The following ADGRA3 variants were observed in gnomAD, a reference collection of about 807,000 sequenced individuals.
The protein encoded by ADGRA3 is G-protein coupled receptor 125.
Under a neutral mutation model 119.8 loss-of-function variants are expected in ADGRA3, and 56 were observed. That is an observed-to-expected ratio of 0.47 (90% CI 0.38 to 0.58). The LOEUF (loss-of-function observed/expected upper bound fraction) is 0.58, where lower values mean the gene tolerates loss of function less well. ADGRA3 is among the 20% of genes least tolerant of loss of function. The pLI is 0.00. For missense variants in ADGRA3, 1,516 were observed against 1,649.0 expected, an observed-to-expected ratio of 0.92 and a Z score of 1.40; for synonymous variants, 607 against 623.8, an observed-to-expected ratio of 0.97 and a Z score of 0.40.
At chr4:22,440,259 T>C (rs1560318061) in intron 7 of ADGRA3, among the ~76,000 whole-genome samples, 1 of 152,154 alleles carries the variant, frequency 6.6e-6, no homozygotes, top group Non-Finnish European at 1.5e-5. Context: ...AGCAATACTT[T>C]TAATATCTAA....
At chr4:22,446,197 TA>T (rs1164170955) in intron 5 of ADGRA3, among the ~76,000 whole-genome samples, 1 of 152,118 alleles carries the variant, frequency 6.6e-6, no homozygotes, top group African/African-American at 2.4e-5. Flanking sequence ...TCTGATGTAA[TA>T]CAGCACAGAA....
chr4:22,425,565 C>G (rs1228487684), intron 10 of ADGRA3, among the ~76,000 whole-genome samples: 1 of 152,112 alleles, frequency 6.6e-6, no homozygotes, highest in Non-Finnish European at 1.5e-5. Flanking sequence ...CAAAAACATT[C>G]CAGAGGTAGG....
At chr4:22,462,685 C>T (rs1339321785) in intron 2 of ADGRA3, among the ~76,000 whole-genome samples, 2 of 152,162 alleles carry the variant, frequency 1.3e-5, no homozygotes. Context: ...TAGCTCAAAG[C>T]AAAGATGCAC....
intron 16 of ADGRA3, among the ~76,000 whole-genome samples, chr4:22,398,699 A>T (rs1714477159): frequency 6.6e-6 from 1 of 152,104 alleles, no homozygotes; most frequent in African/African-American, 2.4e-5. Context: ...TTTTCACTTA[A>T]AACTAATTTG....
intron 11 of ADGRA3, 92 bp from the exon 12 acceptor site, chr4:22,421,181 T>C (rs1258118497): frequency 2.0e-6 from 2 of 976,972 alleles, no homozygotes; most frequent in East Asian, 4.9e-5. Flanking sequence ...ACACTATGCA[T>C]TAGCCAAACC....
Position 22,442,886 on chromosome 4 carries a change from T to G in ADGRA3, c.707-23A>C, listed in dbSNP as rs763088769. On this transcript the variant is annotated intron_variant, in intron 6 of 18. Transcript: ENST00000334304. Reference sequence around the variant, plus strand: ...GGTCTAGAGACAATCAAACAAAGATTCAGTAAACAAATATAATTTCCAAAC... The same window carrying G: ...GGTCTAGAGACAATCAAACAAAGATGCAGTAAACAAATATAATTTCCAAAC... The G allele has an allele frequency of 1.7e-5, 26 of 1,528,590 alleles. No homozygotes were observed. In the Admixed American group the frequency reaches 3.8e-4, roughly 22 times the overall value. The allele number at this position is 1,528,590 out of a possible 1,614,324, so 94.7% of individuals were successfully genotyped here. A position where few individuals can be genotyped will look rare whatever the true frequency, so the allele number is the denominator to read the frequency against.
At chr4:22,511,825 C>A (rs1186126674) in intron 1 of ADGRA3, among the ~76,000 whole-genome samples, 1 of 151,986 alleles carries the variant, frequency 6.6e-6, no homozygotes, top group African/African-American at 2.4e-5. Context: ...TGGGGTCCCC[C>A]ACTTCCAACC....
In ADGRA3 at chr4:22,444,766, T is replaced by C. The variant is rs143040304; in HGVS notation, c.706+207A>G. ...AAGCTGATGTGAACCTAAAAACAGC[T>C]ACCTTAAAGACAACTGAAAAAAAAA... On this transcript the variant is annotated intron_variant, in intron 6 of 18. Coordinates refer to ENST00000334304, the MANE Select transcript of ADGRA3 (RefSeq NM_145290.4). Among the ~76,000 whole-genome samples, 290 of 151,812 alleles carry C rather than the reference T, an allele frequency of 1.9e-3. 1 individual carries two copies. The highest frequency in any genetic ancestry group is 6.7e-3 in the African/African-American group (276 of 41,266).
chr4:22,408,387 A>T (rs1277422004), intron 14 of ADGRA3, among the ~76,000 whole-genome samples: 1 of 152,126 alleles, frequency 6.6e-6, no homozygotes, highest in Non-Finnish European at 1.5e-5. Flanking sequence ...TGTATGCAAC[A>T]CATAAATCCA....
intron 3 of ADGRA3, among the ~76,000 whole-genome samples, chr4:22,457,078 T>C (rs143025884): frequency 2.0e-5 from 3 of 152,330 alleles, no homozygotes; most frequent in African/African-American, 4.8e-5. Context: ...GCAATCACCA[T>C]TGATTCTCTG....
At chr4:22,424,581 C>T (rs1292798329) in intron 10 of ADGRA3, among the ~76,000 whole-genome samples, 6 of 152,068 alleles carry the variant, frequency 3.9e-5, no homozygotes, top group Non-Finnish European at 7.3e-5. Flanking sequence ...TAAGTGGCCA[C>T]CACATCACTG....
chr4:22,495,272 G>A lies in ADGRA3; in HGVS notation c.257+20256C>T, dbSNP rs146477651. 6.2e-4 allele frequency among the ~76,000 whole-genome samples: 94 copies of A among 152,052 alleles called. 3 individuals carry two copies. The highest frequency in any genetic ancestry group is 2.1e-3 in the African/African-American group (87 of 41,334). On this transcript the variant is annotated intron_variant, in intron 1 of 18. Coordinates refer to ENST00000334304, the MANE Select transcript of ADGRA3 (RefSeq NM_145290.4). ...AGACTTCTTCCCGCTACTCAGAATG[G>A]TACACAATCTAAAACTTATGGCTGC... is the stretch of plus-strand genomic sequence containing the variant.
chr4:22,413,909 G>T, intron 12 of ADGRA3, 95 bp from the exon 13 acceptor site: 1 of 784,656 alleles, frequency 1.3e-6, no homozygotes, highest in Non-Finnish European at 1.9e-6. Flanking sequence ...GGTATAATTA[G>T]GTTGACTTCA....
chr4:22,458,881 C>T (rs1187650545), intron 3 of ADGRA3, among the ~76,000 whole-genome samples: 1 of 152,146 alleles, frequency 6.6e-6, no homozygotes, highest in African/African-American at 2.4e-5. Flanking sequence ...GTAGCAAGAT[C>T]TCCTCCAGAT....
At chr4:22,406,351 G>A (rs1714925636) in intron 14 of ADGRA3, among the ~76,000 whole-genome samples, 1 of 152,184 alleles carries the variant, frequency 6.6e-6, no homozygotes, top group Admixed American at 6.5e-5. Flanking sequence ...CAGTGAAATT[G>A]CTGGATCATA....
At chr4:22,461,514 G>A (rs1193745830) in intron 3 of ADGRA3, among the ~76,000 whole-genome samples, 2 of 152,224 alleles carry the variant, frequency 1.3e-5, no homozygotes, top group East Asian at 1.9e-4. Context: ...TGGCCAGGCT[G>A]GTCTTGAATT....
chr4:22,416,800 T>G (rs1715449260), intron 12 of ADGRA3, among the ~76,000 whole-genome samples: 1 of 152,206 alleles, frequency 6.6e-6, no homozygotes, highest in South Asian at 2.1e-4. Flanking sequence ...CAGCTGCTTT[T>G]TTTTGCTAAA....
At chr4:22,417,473 C>A (rs182589917) in intron 12 of ADGRA3, among the ~76,000 whole-genome samples, 1 of 152,272 alleles carries the variant, frequency 6.6e-6, no homozygotes, top group Non-Finnish European at 1.5e-5. Context: ...CTCACTTAAT[C>A]CTCTCAACAA....
intron 1 of ADGRA3, among the ~76,000 whole-genome samples, chr4:22,491,151 C>G (rs1358317309): frequency 1.3e-5 from 2 of 152,202 alleles, no homozygotes; most frequent in Admixed American, 6.5e-5. Context: ...CCTCTGAGAG[C>G]AATGAGCACA....
Sources: allele counts gnomAD v4.1 joint callset (sites outside exome capture counted in the v4.1 genomes callset), GRCh38; gene constraint gnomAD v4.1.1; transcripts MANE v1.5; gene names NCBI Gene and HGNC (gene_info 2026-07-23, HGNC 2026-07-21).